The following NAALADL2 variants were observed in gnomAD, a reference collection of about 807,000 sequenced individuals.
The protein encoded by NAALADL2 is N-acetylated alpha-linked acidic dipeptidase like 2, also known as inactive N-acetylated-alpha-linked acidic dipeptidase-like protein 2.
Under a neutral mutation model 87.2 loss-of-function variants are expected in NAALADL2, and 76 were observed. That is an observed-to-expected ratio of 0.87 (90% CI 0.72 to 1.05). The LOEUF (loss-of-function observed/expected upper bound fraction) is 1.05. NAALADL2 is among the 50% of genes least tolerant of loss of function. The probability of loss-of-function intolerance (pLI) is 0.00; values close to 1 mark genes in which losing one functional copy is unlikely to be tolerated. For missense variants in NAALADL2, 1,089 were observed against 945.8 expected (o/e 1.15, Z -1.99); for synonymous variants, 354 against 331.0 (o/e 1.07, Z -0.75).
chr3:175,383,360 G>A (rs1017664034), intron 5 of NAALADL2, among the ~76,000 whole-genome samples: 51 of 151,810 alleles, frequency 3.4e-4, no homozygotes, highest in Non-Finnish European at 4.6e-4. Flanking sequence ...ATATCTATAC[G>A]TTATGGAATG....
chr3:175,205,889 A>C (rs1740757650), intron 2 of NAALADL2, among the ~76,000 whole-genome samples: 1 of 151,982 alleles, frequency 6.6e-6, no homozygotes, highest in South Asian at 2.1e-4. Flanking sequence ...AATCAAAACC[A>C]TCACGCGCTA....
At chr3:175,117,875 T>A (rs1307233619) in intron 2 of NAALADL2, among the ~76,000 whole-genome samples, 1 of 151,996 alleles carries the variant, frequency 6.6e-6, no homozygotes, top group Non-Finnish European at 1.5e-5. Flanking sequence ...CAAATGTCCA[T>A]CAATGGTAGA....
At chr3:175,361,594 G>C (rs1284831659) in intron 5 of NAALADL2, among the ~76,000 whole-genome samples, 1 of 148,330 alleles carries the variant, frequency 6.7e-6, no homozygotes, top group Admixed American at 6.9e-5. Context: ...TTGTAGTTTT[G>C]ATTTGCATTT....
chr3:175,205,965 C>T (rs1244075784), intron 2 of NAALADL2, among the ~76,000 whole-genome samples: 1 of 151,718 alleles, frequency 6.6e-6, no homozygotes, highest in Non-Finnish European at 1.5e-5. Context: ...GGTGAGGATA[C>T]AGTGATCAGG....
At chr3:175,768,640 G>A (rs1017126801) in intron 13 of NAALADL2, among the ~76,000 whole-genome samples, 3 of 151,988 alleles carry the variant, frequency 2.0e-5, no homozygotes, top group Middle Eastern at 3.2e-3. Context: ...ACTTGAGGTC[G>A]GGAATTTGAG....
intron 2 of NAALADL2, among the ~76,000 whole-genome samples, chr3:175,214,608 A>AT (rs11420398): frequency 0.38 from 57,967 of 151,750 alleles, 11,982 homozygotes; most frequent in Admixed American, 0.52. Context: ...TCAGAAAACC[A>AT]TTTTTTTCTT....
At chr3:175,502,076 A>T (rs1729621342) in intron 9 of NAALADL2, among the ~76,000 whole-genome samples, 1 of 152,132 alleles carries the variant, frequency 6.6e-6, no homozygotes, top group Non-Finnish European at 1.5e-5. Flanking sequence ...CAAGTAAAAT[A>T]AAAGCACATT....
intron 10 of NAALADL2, among the ~76,000 whole-genome samples, chr3:175,614,372 A>G (rs541466554): frequency 1.3e-5 from 2 of 152,350 alleles, no homozygotes; most frequent in African/African-American, 4.8e-5. Context: ...AATCTCTTAA[A>G]CAATCTAGAT....
chr3:175,021,751 G>A (rs1242385016), intron 1 of NAALADL2, among the ~76,000 whole-genome samples: 1 of 152,092 alleles, frequency 6.6e-6, no homozygotes, highest in East Asian at 1.9e-4. Context: ...ATTTTTGCAT[G>A]TGCAGATATT....
chr3:174,722,670 C>G (rs990938071), intron 2 of NAALADL2, among the ~76,000 whole-genome samples: 1 of 152,118 alleles, frequency 6.6e-6, no homozygotes, highest in Non-Finnish European at 1.5e-5. Flanking sequence ...CCACTGCACT[C>G]TAGTCTGGGC....
At chr3:175,558,439 C>T (rs1236161145) in intron 9 of NAALADL2, among the ~76,000 whole-genome samples, 1 of 152,022 alleles carries the variant, frequency 6.6e-6, no homozygotes, top group Admixed American at 6.6e-5. Flanking sequence ...GATGTGATCT[C>T]ATTTGTCCAT....
intron 9 of NAALADL2, among the ~76,000 whole-genome samples, chr3:175,528,204 G>A (rs1346381785): frequency 1.3e-5 from 2 of 151,988 alleles, no homozygotes; most frequent in Non-Finnish European, 2.9e-5. Flanking sequence ...AGTTTATTAA[G>A]TATTAGCTCA....
chr3:174,665,399 C>T (rs1725870649), intron 2 of NAALADL2, among the ~76,000 whole-genome samples: 2 of 152,162 alleles, frequency 1.3e-5, no homozygotes, highest in South Asian at 4.1e-4. Context: ...GAGTGTGCTG[C>T]ATGCAACCTC....
intron 3 of NAALADL2, among the ~76,000 whole-genome samples, chr3:174,818,294 C>T (rs1003669577): frequency 6.6e-6 from 1 of 152,096 alleles, no homozygotes; most frequent in Non-Finnish European, 1.5e-5. Context: ...TGCCACGTCT[C>T]TAGCTTATAA....
At chr3:174,463,425 G>T (rs78314599) in intron 1 of NAALADL2, among the ~76,000 whole-genome samples, 1 of 152,096 alleles carries the variant, frequency 6.6e-6, no homozygotes, top group Non-Finnish European at 1.5e-5. Flanking sequence ...AAGTTGAAGG[G>T]TTGTTAGATA....
At chr3:175,763,266 C>A (rs1748277410) in intron 13 of NAALADL2, among the ~76,000 whole-genome samples, 1 of 152,052 alleles carries the variant, frequency 6.6e-6, no homozygotes, top group Non-Finnish European at 1.5e-5. Flanking sequence ...GGGGCATATT[C>A]TCCTATGTTT....
chr3:175,783,847 G>C (rs1400428086), intron 13 of NAALADL2, among the ~76,000 whole-genome samples: 2 of 147,386 alleles, frequency 1.4e-5, no homozygotes, highest in East Asian at 1.9e-4. Context: ...GTTTGTCATA[G>C]ATAGCTCTTA....
intron 9 of NAALADL2, among the ~76,000 whole-genome samples, chr3:175,573,158 A>C (rs140497779): frequency 0.01 from 1,557 of 152,328 alleles, 23 homozygotes; most frequent in African/African-American, 0.034. Flanking sequence ...TTTTCTGTTG[A>C]GAAAAAAATT....
chr3:175,371,097 A>C (rs1484375469), intron 5 of NAALADL2, among the ~76,000 whole-genome samples: 1 of 152,238 alleles, frequency 6.6e-6, no homozygotes, highest in Non-Finnish European at 1.5e-5. Context: ...GATTTGTCTT[A>C]GACAATATTA....
Sources: allele counts gnomAD v4.1 joint callset (sites outside exome capture counted in the v4.1 genomes callset), GRCh38; gene constraint gnomAD v4.1.1; transcripts MANE v1.5; gene names NCBI Gene and HGNC (gene_info 2026-07-23, HGNC 2026-07-21).